ROBO2: variants seen among roughly 807,000 people sequenced by gnomAD.
ROBO2 encodes the protein roundabout guidance receptor 2.
ROBO2 carries 53 observed loss-of-function variants against 160.8 expected under a neutral mutation model. That is an observed-to-expected ratio of 0.33 (90% CI 0.26 to 0.41). The LOEUF (loss-of-function observed/expected upper bound fraction) is 0.41, where lower values mean the gene tolerates loss of function less well. ROBO2 is among the 10% of genes least tolerant of loss of function. The pLI is 1.00. For synonymous variants in ROBO2, 664 were observed against 611.7 expected (o/e 1.09, Z -1.26); for missense variants, 1,577 against 1,722.4 (o/e 0.92, Z 1.49).
chr3:76,014,883 G>A (rs1371841436), intron 2 of ROBO2, among the ~76,000 whole-genome samples: 1 of 152,134 alleles, frequency 6.6e-6, no homozygotes, highest in Non-Finnish European at 1.5e-5. Context: ...AGCTGTGATC[G>A]CGCTACTGCA....
chr3:76,935,202 C>G (rs189738958), intron 2 of ROBO2, among the ~76,000 whole-genome samples: 1 of 152,168 alleles, frequency 6.6e-6, no homozygotes, highest in Non-Finnish European at 1.5e-5. Context: ...ATCCACCCAC[C>G]TCTGCCTCCC....
intron 6 of ROBO2, 66 bp downstream of exon 6, chr3:77,522,968 G>A: frequency 1.3e-6 from 2 of 1,565,396 alleles, no homozygotes; most frequent in Non-Finnish European, 1.8e-6. Context: ...ATTGGTAAGT[G>A]AACTTACGAT....
chr3:76,567,759 C>A (rs199970602), intron 2 of ROBO2, among the ~76,000 whole-genome samples: 1,960 of 47,568 alleles, frequency 0.041, 23 homozygotes, highest in Non-Finnish European at 0.059. Context: ...ATATATATAT[C>A]TGTCTGTGTG....
chr3:77,378,416 A>G lies in ROBO2; in HGVS notation c.389-98998A>G, dbSNP rs959139296. Among the ~76,000 whole-genome samples, 10 of 152,318 alleles carry G rather than the reference A, an allele frequency of 6.6e-5. No individual in the cohort carries two copies. In the East Asian group the frequency reaches 1.5e-3, roughly 24 times the overall value. ...AGGACTTGCTCAAGAAAACAGCAGA[A>G]CTAAGATATTGTAAAGCCAGAATTA... On this transcript the variant is annotated intron_variant, in intron 2 of 25. Transcript: ENST00000461745.
chr3:76,305,427 A>G (rs1344599983), intron 2 of ROBO2, among the ~76,000 whole-genome samples: 1 of 119,850 alleles, frequency 8.3e-6, no homozygotes, highest in Non-Finnish European at 1.8e-5. Context: ...AAAAAAAAGA[A>G]CAGCATTTGT....
intron 2 of ROBO2, among the ~76,000 whole-genome samples, chr3:76,798,058 A>C (rs1185076591): frequency 6.6e-6 from 1 of 151,006 alleles, no homozygotes; most frequent in East Asian, 1.9e-4. Flanking sequence ...TCATTCTACA[A>C]GGTCAGTATT....
At chr3:77,635,631 A>C (rs2095251223) in intron 24 of ROBO2, among the ~76,000 whole-genome samples, 1 of 152,144 alleles carries the variant, frequency 6.6e-6, no homozygotes, top group Non-Finnish European at 1.5e-5. Context: ...TTTATGTTGT[A>C]CCTTTTTTGT....
intron 2 of ROBO2, among the ~76,000 whole-genome samples, chr3:77,361,292 C>T (rs2069951417): frequency 6.6e-6 from 1 of 151,980 alleles, no homozygotes; most frequent in Non-Finnish European, 1.5e-5. Context: ...TAGTAAGTAC[C>T]TATACAAAAA....
At chr3:76,601,352 G>A (rs1045430115) in intron 2 of ROBO2, among the ~76,000 whole-genome samples, 7 of 152,172 alleles carry the variant, frequency 4.6e-5, no homozygotes, top group Non-Finnish European at 8.8e-5. Context: ...CCAACCCCAC[G>A]TTTCCCTTCA....
intron 2 of ROBO2, among the ~76,000 whole-genome samples, chr3:76,753,711 A>G: frequency 6.6e-6 from 1 of 151,822 alleles, no homozygotes; most frequent in East Asian, 1.9e-4. Flanking sequence ...AGAACGCTCC[A>G]ATATTTTCTG....
At chr3:76,187,389 C>G (rs1325234587) in intron 2 of ROBO2, among the ~76,000 whole-genome samples, 6 of 152,126 alleles carry the variant, frequency 3.9e-5, no homozygotes, top group African/African-American at 1.2e-4. Context: ...ATCTTCCTAT[C>G]TCAGCCTCCT....
chr3:77,021,588 G>C (rs535957073), intron 2 of ROBO2, among the ~76,000 whole-genome samples: 2 of 151,578 alleles, frequency 1.3e-5, no homozygotes, highest in South Asian at 4.2e-4. Flanking sequence ...ACACAGGAAG[G>C]CCAAAGTAAA....
At chr3:77,375,807 T>A (rs978669973) in intron 2 of ROBO2, among the ~76,000 whole-genome samples, 3 of 149,600 alleles carry the variant, frequency 2.0e-5, no homozygotes, top group Non-Finnish European at 4.5e-5. Context: ...TTCCCACAAC[T>A]GTTCACTGCT....
chr3:76,195,248 C>T (rs1702207566), intron 2 of ROBO2, among the ~76,000 whole-genome samples: 1 of 152,102 alleles, frequency 6.6e-6, no homozygotes, highest in Non-Finnish European at 1.5e-5. Context: ...AATTAGATTA[C>T]AGCTAAAGAT....
intron 21 of ROBO2, among the ~76,000 whole-genome samples, chr3:77,608,339 A>G (rs1335782814): frequency 6.6e-6 from 1 of 152,146 alleles, no homozygotes; most frequent in Non-Finnish European, 1.5e-5. Context: ...TTCTCTAATG[A>G]CTTGATGTCT....
chr3:77,159,393 A>G (rs2078291961), intron 2 of ROBO2, among the ~76,000 whole-genome samples: 1 of 152,114 alleles, frequency 6.6e-6, no homozygotes, highest in African/African-American at 2.4e-5. Flanking sequence ...TTTCCCAGCT[A>G]TTGCACTAGG....
chr3:77,478,185 G>A (rs1249983552), intron 3 of ROBO2, among the ~76,000 whole-genome samples: 3 of 152,178 alleles, frequency 2.0e-5, no homozygotes, highest in African/African-American at 7.2e-5. Flanking sequence ...GTACCTGAGT[G>A]TTAAAGTATA....
At chr3:76,089,193 A>C (rs944070947) in intron 2 of ROBO2, among the ~76,000 whole-genome samples, 4 of 152,196 alleles carry the variant, frequency 2.6e-5, no homozygotes, top group African/African-American at 9.6e-5. Context: ...TTAATAGTTA[A>C]TCAGTTACCA....
chr3:77,645,995 G>A, intron 25 of ROBO2, 59 bp from the exon 28 acceptor site: 2 of 1,289,738 alleles, frequency 1.6e-6, no homozygotes, highest in Non-Finnish European at 2.2e-6. Context: ...TTGTTATGCT[G>A]GTCAGAAAAG....
Sources: allele counts gnomAD v4.1 joint callset (sites outside exome capture counted in the v4.1 genomes callset), GRCh38; gene constraint gnomAD v4.1.1; transcripts MANE v1.5; gene names NCBI Gene and HGNC (gene_info 2026-07-23, HGNC 2026-07-21).